The following ZBTB16 variants were observed in gnomAD, a reference collection of about 807,000 sequenced individuals.
ZBTB16 encodes the protein zinc finger and BTB domain-containing protein 16.
ZBTB16 carries 8 observed loss-of-function variants against 56.8 expected under a neutral mutation model. That is an observed-to-expected ratio of 0.14 (90% CI 0.08 to 0.25). The LOEUF is 0.25. Among genes scored for constraint, ZBTB16 ranks in the 10% least tolerant of loss-of-function variants. The pLI is 1.00. For synonymous variants in ZBTB16, 363 were observed against 368.5 expected (o/e 0.98, Z 0.17); for missense variants, 625 against 903.0 (o/e 0.69, Z 3.95).
intron 2 of ZBTB16, among the ~76,000 whole-genome samples, chr11:114,139,600 G>A (rs774256797): frequency 2.6e-5 from 4 of 151,440 alleles, no homozygotes; most frequent in Admixed American, 6.6e-5. Flanking sequence ...GAGAGATGGC[G>A]TGTGTGGGTA....
chr11:114,183,899 C>T (rs2135052028), intron 3 of ZBTB16, among the ~76,000 whole-genome samples: 1 of 152,338 alleles, frequency 6.6e-6, no homozygotes, highest in East Asian at 1.9e-4. Context: ...TCACTGGGGG[C>T]TAGAAGTTTT....
chr11:114,187,155 G>C (rs113503165), intron 4 of ZBTB16, 117 bp downstream of exon 4: 16,328 of 999,784 alleles, frequency 0.016, 270 homozygotes, highest in African/African-American at 0.066. Flanking sequence ...AATTTCCTGG[G>C]CGAGCTGTGA....
At chr11:114,175,926 C>A (rs1943099487) in intron 3 of ZBTB16, among the ~76,000 whole-genome samples, 1 of 151,788 alleles carries the variant, frequency 6.6e-6, no homozygotes, top group African/African-American at 2.4e-5. Context: ...GGGTCTTAGT[C>A]TTCTTTTTTC....
chr11:114,208,604 G>A (rs1943935383), intron 4 of ZBTB16, among the ~76,000 whole-genome samples: 1 of 152,154 alleles, frequency 6.6e-6, no homozygotes, highest in African/African-American at 2.4e-5. Context: ...AGGGTGCCCT[G>A]CAATGCCAAT....
intron 2 of ZBTB16, among the ~76,000 whole-genome samples, chr11:114,070,389 T>C (rs1939304519): frequency 6.6e-6 from 1 of 151,952 alleles, no homozygotes; most frequent in African/African-American, 2.4e-5. Flanking sequence ...ATTACAGGCG[T>C]GAGCCACCGC....
intron 4 of ZBTB16, among the ~76,000 whole-genome samples, chr11:114,212,220 T>G (rs1479405175): frequency 3.3e-5 from 5 of 152,184 alleles, no homozygotes; most frequent in Non-Finnish European, 2.9e-5. Context: ...TCTAAAGAAC[T>G]TTTAATTAAA....
intron 2 of ZBTB16, among the ~76,000 whole-genome samples, chr11:114,111,505 GT>G (rs1388990034): frequency 2.0e-5 from 3 of 152,124 alleles, no homozygotes; most frequent in African/African-American, 7.2e-5. Context: ...TAACTGCATT[GT>G]CCTCTCATGA....
At position 114,215,451 on chromosome 11, in the gene ZBTB16, G is replaced by T. The variant is rs909527140; in HGVS notation, c.1454-26716G>T. ...ACATCTCATTGGCTCTTTCCAAAAA[G>T]GGGAAGGGAAAGATATGGCAGCTCA... On this transcript the variant is annotated intron_variant, in intron 4 of 6. Transcript: ENST00000335953. Among the ~76,000 whole-genome samples the T allele has an allele frequency of 7.9e-5, 12 of 152,340 alleles. 2 individuals carry two copies. The highest frequency in any genetic ancestry group is 5.8e-4 in the East Asian group (3 of 5,184).
chr11:114,235,058 G>C (rs1202348848), intron 4 of ZBTB16, among the ~76,000 whole-genome samples: 1 of 152,152 alleles, frequency 6.6e-6, no homozygotes, highest in Non-Finnish European at 1.5e-5. Flanking sequence ...GGGGGTGGAG[G>C]GAGGGGGAAG....
intron 6 of ZBTB16, among the ~76,000 whole-genome samples, chr11:114,249,277 GGTGAAACCCT>G (rs939606257): frequency 1.3e-5 from 2 of 151,686 alleles, no homozygotes; most frequent in African/African-American, 4.8e-5. Flanking sequence ...CGGCCAACAT[GGTGAAACCCT>G]GTCTGTACTA....
At chr11:114,171,133 A>G (rs1178173539) in intron 3 of ZBTB16, among the ~76,000 whole-genome samples, 1 of 152,192 alleles carries the variant, frequency 6.6e-6, no homozygotes, top group East Asian at 1.9e-4. Flanking sequence ...AGCAAAGAGA[A>G]TCACAGTGCA....
chr11:114,145,570 T>A (rs557900943), intron 2 of ZBTB16, among the ~76,000 whole-genome samples: 2 of 152,318 alleles, frequency 1.3e-5, no homozygotes, highest in East Asian at 3.9e-4. Flanking sequence ...ACCATTTATA[T>A]GAAATGTTCA....
chr11:114,233,021 A>C (rs1944472720), intron 4 of ZBTB16, among the ~76,000 whole-genome samples: 1 of 135,010 alleles, frequency 7.4e-6, no homozygotes, highest in Non-Finnish European at 1.6e-5. Context: ...TTTACTTTCC[A>C]CCCCAACTCA....
chr11:114,250,551 T>C lies in ZBTB16; in HGVS notation c.2018T>C (p.Val673Ala). 1 of 1,612,634 alleles carries C rather than the reference T, an allele frequency of 6.2e-7. No homozygotes were observed. The highest frequency in any genetic ancestry group is 8.5e-7 in the Non-Finnish European group (1 of 1,179,754). The change falls in exon 7 of 7, where the codon GTG becomes GCG. Residue 673 changes from valine to alanine, a missense_variant. Around this residue, in one of 6 missense-constraint regions of ZBTB16, gnomAD observed 40 missense variants for 93.2 expected, o/e 0.43. Transcript: ENST00000335953. This position sits in a 1 kb window ranked among gnomAD's most constrained non-coding sequence, Gnocchi z 6.0. Reference protein sequence around the residue: ...IEKTYLYLCYV With the variant: ...IEKTYLYLCYA The stretch of plus-strand genomic sequence containing the variant: ...AAGACGTACCTCTACCTGTGCTATG[T>C]GTGAAGGGAGGCCCGCGGCGGTGGA...
chr11:114,208,214 G>A (rs114409572), intron 4 of ZBTB16, among the ~76,000 whole-genome samples: 2,771 of 152,298 alleles, frequency 0.018, 70 homozygotes, highest in African/African-American at 0.063. Context: ...CCACCTTGGG[G>A]ACTTGGGCCT....
At chr11:114,197,198 A>AG (rs1268148851) in intron 4 of ZBTB16, among the ~76,000 whole-genome samples, 15 of 152,212 alleles carry the variant, frequency 9.9e-5, no homozygotes, top group Admixed American at 9.8e-4. Flanking sequence ...ACTGCGTCAC[A>AG]GGGGAAGCCA....
At chr11:114,112,207 A>G (rs191192457) in intron 2 of ZBTB16, among the ~76,000 whole-genome samples, 8 of 152,318 alleles carry the variant, frequency 5.3e-5, no homozygotes, top group Admixed American at 1.3e-4. Context: ...TGAATCTTTT[A>G]TCTGTCAAAT....
intron 2 of ZBTB16, among the ~76,000 whole-genome samples, chr11:114,095,747 C>T (rs749850185): frequency 1.2e-4 from 19 of 152,160 alleles, no homozygotes; most frequent in Non-Finnish European, 2.6e-4. Flanking sequence ...CCCTAAATCC[C>T]TTTCACCCTA....
At chr11:114,120,233 C>T (rs1941302966) in intron 2 of ZBTB16, among the ~76,000 whole-genome samples, 1 of 152,218 alleles carries the variant, frequency 6.6e-6, no homozygotes, top group African/African-American at 2.4e-5. Flanking sequence ...CCAAACTCCT[C>T]AGGCCTTTGT....
Sources: gnomAD v4.1 joint callset for allele counts (sites outside exome capture counted in the v4.1 genomes callset) on GRCh38, gnomAD v4.1.1 for gene constraint, gnomAD v4.1.1 regional missense constraint, Gnocchi (gnomAD v3.1) non-coding constraint, MANE v1.5 for transcripts, NCBI Gene and HGNC (gene_info 2026-07-23, HGNC 2026-07-21) for gene names.